The following GALNT17 variants were observed in gnomAD, a reference collection of about 807,000 sequenced individuals.
The protein encoded by GALNT17 is UDP-GalNAc:polypeptide N-acetylgalactosaminyltransferase-like 3.
In GALNT17, 29 loss-of-function variants were observed where a neutral mutation model predicts 63.7. The observed-to-expected ratio is 0.46, with a 90% CI of 0.34 to 0.62. The LOEUF (loss-of-function observed/expected upper bound fraction) is 0.62. GALNT17 is among the 20% of genes least tolerant of loss of function. GALNT17 has a pLI of 0.01. For missense variants in GALNT17, 603 were observed against 799.6 expected, an observed-to-expected ratio of 0.75 and a Z score of 2.97; for synonymous variants, 305 against 318.3, an observed-to-expected ratio of 0.96 and a Z score of 0.45.
At chr7:71,324,716 ATTAAT>A (rs1192826779) in intron 1 of GALNT17, among the ~76,000 whole-genome samples, 2 of 151,944 alleles carry the variant, frequency 1.3e-5, no homozygotes, top group African/African-American at 4.8e-5. Context: ...TATTATATTT[ATTAAT>A]TTAATGTATA....
chr7:71,184,271 T>G (rs1788790329), intron 1 of GALNT17, among the ~76,000 whole-genome samples: 1 of 152,160 alleles, frequency 6.6e-6, no homozygotes, highest in African/African-American at 2.4e-5. Flanking sequence ...GCCACACAGC[T>G]TTGTGGCATT....
chr7:71,222,732 A>G (rs538819827), intron 1 of GALNT17, among the ~76,000 whole-genome samples: 1 of 152,236 alleles, frequency 6.6e-6, no homozygotes, highest in African/African-American at 2.4e-5. Context: ...TTCTAAGTGC[A>G]TCATATGTCT....
chr7:71,610,069 T>G (rs1790102386), intron 6 of GALNT17, among the ~76,000 whole-genome samples: 2 of 152,070 alleles, frequency 1.3e-5, no homozygotes, highest in East Asian at 1.9e-4. Context: ...GCTGCAAAAT[T>G]TTCATAGACC....
rs142580606 is a variant in GALNT17 at position 71,641,434 on chromosome 7, C to G, written c.1081-23977C>G. 5.0e-3 allele frequency among the ~76,000 whole-genome samples: 759 copies of G among 152,232 alleles called. 4 individuals are homozygous for G. Among genetic ancestry groups the G allele is most frequent in the East Asian group, 0.03 (155 of 5,166 alleles). Reference sequence around the variant, plus strand: ...TACCGTACACTAGGTAGCTGATAAACAACAGAAATTGATTTCTCACAGTTC... The same window carrying G: ...TACCGTACACTAGGTAGCTGATAAAGAACAGAAATTGATTTCTCACAGTTC... On this transcript the variant is annotated intron_variant, in intron 6 of 10. Transcript: ENST00000333538.
At chr7:71,537,504 G>A (rs1430032606) in intron 5 of GALNT17, among the ~76,000 whole-genome samples, 2 of 152,060 alleles carry the variant, frequency 1.3e-5, no homozygotes, top group African/African-American at 4.8e-5. Context: ...TAAGTCAGAC[G>A]GCAAGTCTCC....
At position 71,702,413 on chromosome 7, in the gene GALNT17, A is replaced by G. The variant is rs76837080; in HGVS notation, c.1501-8348A>G. On this transcript the variant is annotated intron_variant, in intron 9 of 10. Coordinates refer to ENST00000333538, the MANE Select transcript of GALNT17 (RefSeq NM_022479.3). ...TCAGCAGGGAGGCGCATGTGGCTGGATTAAATAAGATGATCAAGGAAAAGT... is the reference window on the plus strand; with the variant it reads ...TCAGCAGGGAGGCGCATGTGGCTGGGTTAAATAAGATGATCAAGGAAAAGT... Among the ~76,000 whole-genome samples, 701 of 152,266 alleles carry G rather than the reference A, an allele frequency of 4.6e-3. 5 individuals carry two copies. The highest frequency in any genetic ancestry group is 8.0e-3 in the Non-Finnish European group (542 of 68,030).
intron 5 of GALNT17, among the ~76,000 whole-genome samples, chr7:71,428,449 A>AT (rs1289976125): frequency 2.6e-5 from 4 of 151,696 alleles, no homozygotes; most frequent in East Asian, 1.9e-4. Context: ...CCCTTTTATT[A>AT]TTTTTTTTGA....
chr7:71,597,950 T>C (rs1337413036), intron 6 of GALNT17, among the ~76,000 whole-genome samples: 3 of 130,882 alleles, frequency 2.3e-5, no homozygotes, highest in African/African-American at 9.6e-5. Flanking sequence ...TTTCATTTCC[T>C]TTTTTTTTTT....
intron 6 of GALNT17, among the ~76,000 whole-genome samples, chr7:71,659,387 C>T (rs985789276): frequency 6.6e-6 from 1 of 152,174 alleles, no homozygotes; most frequent in African/African-American, 2.4e-5. Flanking sequence ...ATGGCCCTGG[C>T]TATGCTTATG....
At chr7:71,440,454 G>A (rs1441631058) in intron 5 of GALNT17, among the ~76,000 whole-genome samples, 4 of 148,256 alleles carry the variant, frequency 2.7e-5, no homozygotes, top group South Asian at 2.1e-4. Flanking sequence ...AGCTCACTGC[G>A]ACCTCCGAAT....
At chr7:71,598,035 C>A (rs1271704724) in intron 6 of GALNT17, among the ~76,000 whole-genome samples, 1 of 152,064 alleles carries the variant, frequency 6.6e-6, no homozygotes, top group African/African-American at 2.4e-5. Context: ...ACCTCCACCT[C>A]CCAGGTTCAA....
At chr7:71,685,948 ATTTTTTTTTT>A (rs3062958) in intron 9 of GALNT17, among the ~76,000 whole-genome samples, 16 of 59,810 alleles carry the variant, frequency 2.7e-4, no homozygotes, top group Non-Finnish European at 3.3e-4. Context: ...GGCAATTACT[ATTTTTTTTTT>A]TTTTTTTTTT....
chr7:71,542,097 C>T (rs924808150), intron 5 of GALNT17, among the ~76,000 whole-genome samples: 8 of 152,094 alleles, frequency 5.3e-5, no homozygotes, highest in Admixed American at 5.2e-4. Flanking sequence ...GGAACCGGAT[C>T]GTGCAGGTGA....
At chr7:71,235,144 G>A (rs1056405986) in intron 1 of GALNT17, among the ~76,000 whole-genome samples, 1 of 151,892 alleles carries the variant, frequency 6.6e-6, no homozygotes, top group Non-Finnish European at 1.5e-5. Flanking sequence ...CCAGCTACTC[G>A]GGAGGCTGAG....
At chr7:71,277,862 C>T (rs577053146) in intron 1 of GALNT17, among the ~76,000 whole-genome samples, 1 of 152,296 alleles carries the variant, frequency 6.6e-6, no homozygotes, top group African/African-American at 2.4e-5. Context: ...TGGGCGGTCA[C>T]CCGTGAAGAA....
intron 2 of GALNT17, among the ~76,000 whole-genome samples, chr7:71,374,610 C>T (rs1792686270): frequency 6.6e-6 from 1 of 152,186 alleles, no homozygotes; most frequent in Non-Finnish European, 1.5e-5. Flanking sequence ...GGAAAAACTT[C>T]AGTCACACTG....
chr7:71,369,690 G>A (rs956327905), intron 2 of GALNT17, among the ~76,000 whole-genome samples: 1 of 151,878 alleles, frequency 6.6e-6, no homozygotes, highest in Admixed American at 6.6e-5. Context: ...GCACGCGCCT[G>A]TAATCCCAGC....
At chr7:71,515,957 A>G (rs1340952919) in intron 5 of GALNT17, among the ~76,000 whole-genome samples, 3 of 152,188 alleles carry the variant, frequency 2.0e-5, no homozygotes, top group Admixed American at 6.5e-5. Flanking sequence ...TGAGGCTTTC[A>G]TTAGCACTCA....
Position 71,132,850 on chromosome 7 carries a change from C to G in GALNT17, c.48C>G (p.Ile16Met), listed in dbSNP as rs777384878. The change falls in exon 1 of 11, where the codon ATC becomes ATG. Residue 16 changes from isoleucine (I) to methionine (M), a missense_variant. Physicochemically the swap from Ile to Met is conservative, Grantham distance 10. This residue lies in a region of GALNT17 where 195 missense variants were observed against 215.0 expected (regional missense o/e 0.91). Coordinates refer to ENST00000333538, the MANE Select transcript of GALNT17 (RefSeq NM_022479.3). Reference sequence around the variant, plus strand: ...AAGTGCTGTTGGTGTTGAACTTGATCGCGGTAGCCGGCTTCGTGCTCTTCC... The same window carrying G: ...AAGTGCTGTTGGTGTTGAACTTGATGGCGGTAGCCGGCTTCGTGCTCTTCC... The part of the protein sequence containing the change: ...RVKVLLVLNL[I>M]AVAGFVLFLA... 1.9e-6 allele frequency: 3 copies of G among 1,612,626 alleles called. No homozygotes were observed. The Admixed American group carries it at 5.0e-5, about 27-fold the overall frequency.
Sources: gnomAD v4.1 joint callset for allele counts (sites outside exome capture counted in the v4.1 genomes callset) on GRCh38, gnomAD v4.1.1 for gene constraint, gnomAD v4.1.1 regional missense constraint, MANE v1.5 for transcripts, NCBI Gene and HGNC (gene_info 2026-07-23, HGNC 2026-07-21) for gene names.